The following SP140L variants were observed in gnomAD, a reference collection of about 807,000 sequenced individuals.
SP140L encodes the protein nuclear body protein SP140-like protein.
In SP140L, 64 loss-of-function variants were observed where a neutral mutation model predicts 84.3. That is an observed-to-expected ratio of 0.76 (90% CI 0.62 to 0.94). SP140L has a LOEUF of 0.94. SP140L is among the 40% of genes least tolerant of loss of function. The probability of loss-of-function intolerance (pLI) is 0.00; values close to 1 mark genes in which losing one functional copy is unlikely to be tolerated. For synonymous variants in SP140L, 242 were observed against 236.9 expected (o/e 1.02, Z -0.20); for missense variants, 628 against 692.5 (o/e 0.91, Z 1.05).
At chr2:230,354,869 G>GAAAGA (rs1559420159) in intron 2 of SP140L, among the ~76,000 whole-genome samples, 2 of 112,658 alleles carry the variant, frequency 1.8e-5, no homozygotes, top group African/African-American at 6.7e-5. Flanking sequence ...AAGAAAGAAA[G>GAAAGA]AAAGAAAGAA....
At chr2:230,371,060 T>C in intron 6 of SP140L, 93 bp downstream of exon 6, 1 of 1,106,890 alleles carries the variant, frequency 9.0e-7, no homozygotes. Context: ...CCGCCCAGAA[T>C]CCTGTTCTGT....
intron 2 of SP140L, among the ~76,000 whole-genome samples, chr2:230,351,731 T>C (rs1454823481): frequency 6.6e-6 from 1 of 152,172 alleles, no homozygotes; most frequent in Admixed American, 6.5e-5. Flanking sequence ...ACTATAACCC[T>C]GACCTCACCA....
At chr2:230,392,545 A>C (rs927240646) in intron 12 of SP140L, among the ~76,000 whole-genome samples, 2 of 152,200 alleles carry the variant, frequency 1.3e-5, no homozygotes, top group Non-Finnish European at 2.9e-5. Flanking sequence ...GGGCAAGAAG[A>C]CACTTCAGAG....
chr2:230,367,399 C>G (rs1273737337), intron 5 of SP140L, among the ~76,000 whole-genome samples: 1 of 149,548 alleles, frequency 6.7e-6, no homozygotes, highest in African/African-American at 2.5e-5. Context: ...CTCAGGCTAC[C>G]CTCCTGCCTC....
intron 11 of SP140L, among the ~76,000 whole-genome samples, chr2:230,391,292 CAA>C (rs1375183341): frequency 6.6e-6 from 1 of 152,116 alleles, no homozygotes; most frequent in Non-Finnish European, 1.5e-5. Context: ...GAGGAAACAC[CAA>C]AGTGTTTTCC....
At chr2:230,357,344 A>G (rs561392681) in intron 2 of SP140L, among the ~76,000 whole-genome samples, 1 of 152,316 alleles carries the variant, frequency 6.6e-6, no homozygotes, top group Admixed American at 6.5e-5. Flanking sequence ...CCTTCCTAGC[A>G]GCTACAGATT....
At chr2:230,335,805 G>C (rs537861495) in intron 2 of SP140L, among the ~76,000 whole-genome samples, 1 of 152,256 alleles carries the variant, frequency 6.6e-6, no homozygotes, top group African/African-American at 2.4e-5. Context: ...GGCAAGCCTT[G>C]TTTCTTCCCT....
intron 3 of SP140L, 49 bp downstream of exon 3, chr2:230,358,016 C>G (rs1260388593): frequency 1.3e-6 from 2 of 1,597,100 alleles, no homozygotes; most frequent in Non-Finnish European, 1.7e-6. Context: ...TCATATTTTA[C>G]AAGTATTTCT....
At chr2:230,395,278 A>G (rs1379743721) in intron 13 of SP140L, among the ~76,000 whole-genome samples, 1 of 152,154 alleles carries the variant, frequency 6.6e-6, no homozygotes, top group East Asian at 1.9e-4. Flanking sequence ...CAGAAGATTG[A>G]CCTCAAAAAT....
At chr2:230,368,378 T>C (rs2060952210) in intron 5 of SP140L, among the ~76,000 whole-genome samples, 2 of 152,246 alleles carry the variant, frequency 1.3e-5, no homozygotes, top group African/African-American at 4.8e-5. Context: ...TATTTGCTTC[T>C]GTTCTCTTGC....
intron 5 of SP140L, among the ~76,000 whole-genome samples, chr2:230,365,308 A>G (rs944270422): frequency 1.2e-4 from 19 of 152,172 alleles, no homozygotes; most frequent in African/African-American, 4.6e-4. Flanking sequence ...GTGGTATTCA[A>G]TTCTGGATTA....
At position 230,351,894 on chromosome 2, in the gene SP140L, G is replaced by A. The variant is rs150625548; in HGVS notation, c.108-5911G>A. ...ACTCCTGAACTCAAGTGATCCACCC[G>A]CGCCAGCGTCCCAGAGTGCTGGGAC... is the stretch of plus-strand genomic sequence containing the variant. On this transcript the variant is annotated intron_variant, in intron 2 of 18. Transcript: ENST00000415673. 3.3e-3 allele frequency among the ~76,000 whole-genome samples: 495 copies of A among 152,216 alleles called. 4 individuals carry two copies. The highest frequency in any genetic ancestry group is 4.5e-3 in the Non-Finnish European group (305 of 67,996).
At position 230,392,303 on chromosome 2, in the gene SP140L, C is replaced by T. The variant is rs1226194158; in HGVS notation, c.1107+74C>T. 4.4e-6 allele frequency: 7 copies of T among 1,595,318 alleles called. No homozygotes were observed. In the East Asian group the frequency reaches 1.1e-4, roughly 25 times the overall value. On this transcript the variant is annotated intron_variant, in intron 12 of 18. Coordinates refer to ENST00000415673, the MANE Select transcript of SP140L (RefSeq NM_138402.6). ...TAATAATGAGGAGACTGTTTATTCA[C>T]CAAATATTTGTTAGGTTATAGCTAA...
At chr2:230,382,965 TCCC>T (rs1330248125) in intron 7 of SP140L, among the ~76,000 whole-genome samples, 1 of 152,206 alleles carries the variant, frequency 6.6e-6, no homozygotes, top group East Asian at 1.9e-4. Flanking sequence ...CACCATAGCA[TCCC>T]TGGAGTCAGC....
At chr2:230,337,892 C>T (rs1417083789) in intron 2 of SP140L, among the ~76,000 whole-genome samples, 2 of 152,008 alleles carry the variant, frequency 1.3e-5, no homozygotes, top group Non-Finnish European at 2.9e-5. Flanking sequence ...GTTTTGGTTA[C>T]TGTAGCCCTG....
rs1357330081 is a variant in SP140L at position 230,361,708 on chromosome 2, CAG to C, written c.523+13_523+14del. 1.3e-6 allele frequency: 2 copies of C among 1,549,828 alleles called. No homozygotes were observed. Among genetic ancestry groups the C allele is most frequent in the African/African-American group, 1.4e-5 (1 of 73,086 alleles). ...TAAGTCTTAAACAAGGTAAAAATGA[CAG>C]AATAAAAACGGTTTCTCATCCGCTA... On this transcript the variant is annotated intron_variant, in intron 5 of 18. Coordinates refer to ENST00000415673, the MANE Select transcript of SP140L (RefSeq NM_138402.6).
In SP140L at chr2:230,332,333, G is replaced by A. The variant is rs74544385; in HGVS notation, c.107+3502G>A. Among the ~76,000 whole-genome samples the A allele has an allele frequency of 6.6e-3, 998 of 152,250 alleles. 2 individuals are homozygous for A. The highest frequency in any genetic ancestry group is 0.011 in the Non-Finnish European group (767 of 68,024). On this transcript the variant is annotated intron_variant, in intron 2 of 18. Transcript: ENST00000415673. ...GCTCTTTCGGCCATCTTCCCCAGTC[G>A]TCGTCCAGTTTCCCAGATGGATTAT...
chr2:230,357,745 A>T, intron 2 of SP140L, 60 bp from the exon 3 acceptor site: 1 of 1,534,192 alleles, frequency 6.5e-7, no homozygotes, highest in Non-Finnish European at 8.8e-7. Context: ...AAATCTTACC[A>T]TCTCCACAAA....
chr2:230,389,970 C>T lies in SP140L; in HGVS notation c.911C>T (p.Pro304Leu). 1 of 1,613,860 alleles carries T rather than the reference C, an allele frequency of 6.2e-7. No homozygotes were observed. The highest frequency in any genetic ancestry group is 1.1e-5 in the South Asian group (1 of 91,080). ...ETVDFQAPLL[P>L]VTCGGVKGIL... ...GTGGATTTTCAGGCTCCTTTACTTC[C>T]AGTGACCTGTGGTGGGGTGAAGGGA... The change falls in exon 11 of 19, where the codon CCA becomes CTA. Residue 304 changes from proline to leucine, a missense_variant. Around this residue, in one of 4 missense-constraint regions of SP140L, gnomAD observed 525 missense variants for 518.4 expected, o/e 1.01. Transcript: ENST00000415673.
Sources: gnomAD v4.1 joint callset for allele counts (sites outside exome capture counted in the v4.1 genomes callset) on GRCh38, gnomAD v4.1.1 for gene constraint, gnomAD v4.1.1 regional missense constraint, MANE v1.5 for transcripts, NCBI Gene and HGNC (gene_info 2026-07-23, HGNC 2026-07-21) for gene names.